The following FRAS1 variants were observed in gnomAD, a reference collection of about 807,000 sequenced individuals.
FRAS1 encodes Fraser extracellular matrix complex subunit 1, also known as extracellular matrix organizing protein FRAS1.
FRAS1 carries 290 observed loss-of-function variants against 435.2 expected under a neutral mutation model. The ratio of observed to expected loss-of-function variants is 0.67; its 90% CI spans 0.61 to 0.73. The LOEUF is 0.73. FRAS1 is among the 30% of genes least tolerant of loss of function. The pLI is 0.00. For missense variants in FRAS1, 4,860 were observed against 5,001.5 expected (o/e 0.97, Z 0.85); for synonymous variants, 1,800 against 1,851.0 (o/e 0.97, Z 0.71).
intron 9 of FRAS1, among the ~76,000 whole-genome samples, chr4:78,277,159 T>C (rs951137693): frequency 3.9e-5 from 6 of 152,190 alleles, no homozygotes; most frequent in Non-Finnish European, 8.8e-5. Flanking sequence ...CTAAGACCAT[T>C]GGAAAAGCGC....
intron 2 of FRAS1, among the ~76,000 whole-genome samples, chr4:78,117,977 T>A (rs913522703): frequency 1.1e-4 from 17 of 152,366 alleles, no homozygotes; most frequent in African/African-American, 3.6e-4. Context: ...ACCTTTGGTC[T>A]TTGATGATGG....
In FRAS1 at chr4:78,438,564, C is replaced by G; in HGVS notation, c.5218-6C>G. 6.2e-7 allele frequency: 1 copy of G among 1,613,742 alleles called. No individual in the cohort carries two copies. Among genetic ancestry groups the G allele is most frequent in the Non-Finnish European group, 8.5e-7 (1 of 1,179,764 alleles). ...TTCATGTCCTGCCTCATGTTTGCCT[C>G]ATTAGGATGATTCTTCCCCCGACCC... is the stretch of plus-strand genomic sequence containing the variant. On this transcript the variant is annotated splice_region_variant and splice_polypyrimidine_tract_variant and intron_variant, in intron 38 of 73. Transcript: ENST00000512123.
At chr4:78,100,863 A>T (rs762794499) in intron 2 of FRAS1, among the ~76,000 whole-genome samples, 7 of 152,206 alleles carry the variant, frequency 4.6e-5, no homozygotes, top group Non-Finnish European at 8.8e-5. Flanking sequence ...CCTGGAGAGC[A>T]CACGTGTTGT....
intron 2 of FRAS1, among the ~76,000 whole-genome samples, chr4:78,150,097 C>T (rs972025254): frequency 1.3e-5 from 2 of 152,142 alleles, no homozygotes; most frequent in African/African-American, 4.8e-5. Context: ...TCTCTTTTTA[C>T]GTCAAGTTAG....
chr4:78,477,674 G>T, intron 54 of FRAS1, 141 bp from the exon 55 acceptor site: 1 of 1,023,274 alleles, frequency 9.8e-7, no homozygotes. Context: ...ATGCAGCAGG[G>T]AACCAGGGCT....
At chr4:78,489,514 G>T (rs1481925332) in intron 59 of FRAS1, among the ~76,000 whole-genome samples, 3 of 152,138 alleles carry the variant, frequency 2.0e-5, no homozygotes, top group Non-Finnish European at 4.4e-5. Flanking sequence ...TGTCTCAGGA[G>T]TAGAGAGACA....
At chr4:78,416,844 A>G (rs1480959202) in intron 32 of FRAS1, among the ~76,000 whole-genome samples, 2 of 151,988 alleles carry the variant, frequency 1.3e-5, no homozygotes, top group Non-Finnish European at 2.9e-5. Context: ...AGCAATTGGG[A>G]GGCCACTGGG....
chr4:78,263,015 T>G (rs537021907), intron 6 of FRAS1, among the ~76,000 whole-genome samples: 1 of 152,336 alleles, frequency 6.6e-6, no homozygotes, highest in Admixed American at 6.5e-5. Flanking sequence ...AAACAGGCAG[T>G]GGGCTGGATT....
chr4:78,226,636 G>A (rs1724286979), intron 2 of FRAS1, among the ~76,000 whole-genome samples: 1 of 151,398 alleles, frequency 6.6e-6, no homozygotes, highest in Non-Finnish European at 1.5e-5. Flanking sequence ...TTCATTTTTA[G>A]CAGTCTTATT....
chr4:78,511,407 A>G lies in FRAS1; in HGVS notation c.9914A>G (p.His3305Arg). ...VTIGTDSAICHTPVVAGTSRG... is the reference protein window; with the variant it reads ...VTIGTDSAICRTPVVAGTSRG... ...ATTGGAACAGACAGTGCTATCTGCCACACACCAGTGGTGGCTGGGACATCC... is the reference window on the plus strand; with the variant it reads ...ATTGGAACAGACAGTGCTATCTGCCGCACACCAGTGGTGGCTGGGACATCC... The change falls in exon 64 of 74, where the codon CAC becomes CGC. Residue 3305 changes from histidine (H) to arginine (R), a missense_variant. Coordinates refer to ENST00000512123, the MANE Select transcript of FRAS1 (RefSeq NM_025074.7). 1 of 1,613,982 alleles carries G rather than the reference A, an allele frequency of 6.2e-7. No individual in the cohort carries two copies. The highest frequency in any genetic ancestry group is 1.1e-5 in the South Asian group (1 of 91,086).
chr4:78,237,500 CT>C lies in FRAS1; in HGVS notation c.109-9del. 3 of 1,605,906 alleles carry C rather than the reference CT, an allele frequency of 1.9e-6. No individual in the cohort carries two copies. The highest frequency in any genetic ancestry group is 2.6e-6 in the Non-Finnish European group (3 of 1,172,830). On this transcript the variant is annotated splice_polypyrimidine_tract_variant and intron_variant, in intron 2 of 73. Coordinates refer to ENST00000512123, the MANE Select transcript of FRAS1 (RefSeq NM_025074.7). ...TCAGTTTTTAAATCAGAGCTTATGC[CT>C]CTTTACAGGATGCCACAATTTGGAA... is the stretch of plus-strand genomic sequence containing the variant.
chr4:78,130,309 GACT>G (rs1447001142), intron 2 of FRAS1, among the ~76,000 whole-genome samples: 1 of 152,156 alleles, frequency 6.6e-6, no homozygotes, highest in Non-Finnish European at 1.5e-5. Context: ...GAGCTGGAAT[GACT>G]ACTTTAAACT....
At chr4:78,275,741 C>G (rs1051727367) in intron 9 of FRAS1, among the ~76,000 whole-genome samples, 2 of 152,154 alleles carry the variant, frequency 1.3e-5, no homozygotes, top group Admixed American at 1.3e-4. Flanking sequence ...TCTGACCGCC[C>G]TTAACATTTT....
At chr4:78,405,406 AT>A (rs34546299) in intron 30 of FRAS1, among the ~76,000 whole-genome samples, 68,567 of 151,862 alleles carry the variant, frequency 0.45, 16,608 homozygotes, top group African/African-American at 0.64. Flanking sequence ...AGGTAATGGA[AT>A]TTTTTTCTAC....
At chr4:78,521,761 A>G (rs944348095) in intron 68 of FRAS1, 131 bp downstream of exon 68, 2 of 586,400 alleles carry the variant, frequency 3.4e-6, no homozygotes, top group African/African-American at 3.8e-5. Context: ...CCATGTGCAC[A>G]TACATCCATC....
At chr4:78,228,915 C>T (rs1482906567) in intron 2 of FRAS1, among the ~76,000 whole-genome samples, 1 of 152,184 alleles carries the variant, frequency 6.6e-6, no homozygotes, top group African/African-American at 2.4e-5. Flanking sequence ...TATTAGGAAA[C>T]AGAGACTCAG....
intron 2 of FRAS1, among the ~76,000 whole-genome samples, chr4:78,219,854 G>A (rs763547488): frequency 3.3e-5 from 5 of 152,140 alleles, no homozygotes; most frequent in Non-Finnish European, 5.9e-5. Flanking sequence ...AAAAAAACTT[G>A]TTTTGCTCTG....
rs188791952 is a variant in FRAS1, at chr4:78,143,004, A to G, written c.108+76988A>G. Among the ~76,000 whole-genome samples the G allele has an allele frequency of 4.6e-5, 7 of 152,296 alleles. No homozygotes were observed. In the East Asian group the frequency reaches 1.3e-3, roughly 29 times the overall value. Reference sequence around the variant, plus strand: ...CAGTAACATAGAAGATTTAAACTTGAATACATATTTAATTCCATTACATAT... The same window carrying G: ...CAGTAACATAGAAGATTTAAACTTGGATACATATTTAATTCCATTACATAT... On this transcript the variant is annotated intron_variant, in intron 2 of 73. Transcript: ENST00000512123.
intron 18 of FRAS1, among the ~76,000 whole-genome samples, chr4:78,323,555 C>A (rs747854610): frequency 1.3e-5 from 2 of 152,192 alleles, no homozygotes; most frequent in African/African-American, 2.4e-5. Flanking sequence ...TTCACTGATT[C>A]CCATGCCTCT....
Sources: gnomAD v4.1 joint callset for allele counts (sites outside exome capture counted in the v4.1 genomes callset) on GRCh38, gnomAD v4.1.1 for gene constraint, MANE v1.5 for transcripts, NCBI Gene and HGNC (gene_info 2026-07-23, HGNC 2026-07-21) for gene names.